Variants in GPHN observed in about 807,000 individuals in gnomAD.
GPHN encodes gephyrin.
A neutral mutation model predicts 95.5 loss-of-function variants in GPHN; 17 were observed. That is an observed-to-expected ratio of 0.18 (90% CI 0.12 to 0.27). GPHN has a LOEUF of 0.27. GPHN is among the 10% of genes least tolerant of loss of function. The probability of loss-of-function intolerance (pLI) is 1.00; values close to 1 mark genes in which losing one functional copy is unlikely to be tolerated. For missense variants in GPHN, 660 were observed against 978.1 expected (o/e 0.67, Z 4.34); for synonymous variants, 320 against 322.5 (o/e 0.99, Z 0.08).
chr14:66,544,966 GAA>G (rs1250162794), intron 1 of GPHN, among the ~76,000 whole-genome samples: 1 of 152,160 alleles, frequency 6.6e-6, no homozygotes, highest in Non-Finnish European at 1.5e-5. Flanking sequence ...AGAACAAAAT[GAA>G]AAGTCTCCTG....
intron 21 of GPHN, 91 bp downstream of exon 21, chr14:67,169,127 T>C (rs755590323): frequency 2.5e-6 from 2 of 816,140 alleles, no homozygotes; most frequent in South Asian, 2.7e-5. Flanking sequence ...ACATCTAGAG[T>C]TTTCTATTAG....
At chr14:66,585,540 C>T (rs2140518650) in intron 1 of GPHN, among the ~76,000 whole-genome samples, 1 of 152,016 alleles carries the variant, frequency 6.6e-6, no homozygotes, top group South Asian at 2.1e-4. Flanking sequence ...CTATAAATTT[C>T]CCTCTACACA....
chr14:66,563,173 CTT>C (rs930663904), intron 1 of GPHN, among the ~76,000 whole-genome samples: 4 of 151,494 alleles, frequency 2.6e-5, no homozygotes, highest in African/African-American at 9.7e-5. Flanking sequence ...CAAATAATAA[CTT>C]TTAATTATTA....
chr14:67,605,733 A>T, the GPHN span, among the ~76,000 whole-genome samples: 1 of 152,062 alleles, frequency 6.6e-6, no homozygotes, highest in Admixed American at 6.5e-5. Flanking sequence ...CCTAGGCTGG[A>T]GTGCAGTGGT....
chr14:67,393,141 C>A, the GPHN span: 2 of 1,599,812 alleles, frequency 1.3e-6, no homozygotes, highest in South Asian at 2.2e-5. Context: ...CCCTGGGGGA[C>A]AGGCTCACCG....
the GPHN span, among the ~76,000 whole-genome samples, chr14:67,526,124 A>G: frequency 1.3e-5 from 2 of 152,238 alleles, no homozygotes; most frequent in African/African-American, 4.8e-5. Flanking sequence ...GGACTAGGAA[A>G]TCCAGAACCT....
intron 4 of GPHN, among the ~76,000 whole-genome samples, chr14:66,839,279 G>A (rs1005684526): frequency 6.6e-6 from 1 of 152,198 alleles, no homozygotes; most frequent in Non-Finnish European, 1.5e-5. Context: ...ATGCTGGAAG[G>A]ACTAATTGAT....
chr14:66,650,401 C>T (rs1030472670), intron 1 of GPHN, among the ~76,000 whole-genome samples: 3 of 152,222 alleles, frequency 2.0e-5, no homozygotes, highest in Non-Finnish European at 4.4e-5. Flanking sequence ...TGGCTAACCA[C>T]ATTGCTAAAG....
chr14:67,674,287 G>A, the GPHN span: 260 of 1,261,106 alleles, frequency 2.1e-4, no homozygotes, highest in Non-Finnish European at 2.6e-4. Context: ...AGGAGACGCG[G>A]GCCCGGGTCT....
intron 8 of GPHN, among the ~76,000 whole-genome samples, chr14:66,936,927 A>T (rs983164708): frequency 6.6e-6 from 1 of 152,260 alleles, no homozygotes; most frequent in African/African-American, 2.4e-5. Flanking sequence ...AAGTTGTAAA[A>T]TCGTGTAAAA....
At chr14:67,323,160 G>C in the GPHN span, among the ~76,000 whole-genome samples, 1 of 151,390 alleles carries the variant, frequency 6.6e-6, no homozygotes, top group African/African-American at 2.4e-5. Context: ...TTACATAAAA[G>C]AGCAAGCTAA....
the GPHN span, among the ~76,000 whole-genome samples, chr14:67,324,280 T>C: frequency 4.6e-5 from 7 of 152,208 alleles, no homozygotes; most frequent in Non-Finnish European, 7.3e-5. Context: ...ATGCTAGATA[T>C]GGTTGAGGTA....
chr14:66,620,130 T>C (rs1369158408), intron 1 of GPHN, among the ~76,000 whole-genome samples: 1 of 152,134 alleles, frequency 6.6e-6, no homozygotes, highest in Non-Finnish European at 1.5e-5. Flanking sequence ...CGGTTGTTGT[T>C]CACACTTACC....
chr14:67,625,453 C>T, the GPHN span, among the ~76,000 whole-genome samples: 23 of 151,606 alleles, frequency 1.5e-4, no homozygotes, highest in Admixed American at 3.9e-4. Context: ...CTGAGGCAGG[C>T]GGATCACCTG....
At chr14:67,415,346 A>C in the GPHN span, among the ~76,000 whole-genome samples, 3 of 152,322 alleles carry the variant, frequency 2.0e-5, no homozygotes, top group East Asian at 5.8e-4. Flanking sequence ...AAATAACTGC[A>C]TAAAATTTCA....
intron 3 of GPHN, among the ~76,000 whole-genome samples, chr14:66,812,356 A>G (rs901477773): frequency 1.3e-5 from 2 of 152,236 alleles, no homozygotes; most frequent in Non-Finnish European, 2.9e-5. Flanking sequence ...GTGTCTATTC[A>G]ACATATCACT....
intron 1 of GPHN, among the ~76,000 whole-genome samples, chr14:66,529,490 C>G (rs2058825774): frequency 6.6e-6 from 1 of 152,086 alleles, no homozygotes; most frequent in South Asian, 2.1e-4. Context: ...CATTATCCGT[C>G]CAGTTTTGTT....
At chr14:67,414,887 G>T in the GPHN span, among the ~76,000 whole-genome samples, 1 of 152,234 alleles carries the variant, frequency 6.6e-6, no homozygotes, top group East Asian at 1.9e-4. Context: ...TCAAAGCCCA[G>T]GGAAATAAAA....
At chr14:66,812,106 A>G (rs1264520230) in intron 3 of GPHN, among the ~76,000 whole-genome samples, 1 of 152,174 alleles carries the variant, frequency 6.6e-6, no homozygotes, top group African/African-American at 2.4e-5. Context: ...GTAAAAAGGG[A>G]AATCCTAGAA....
Sources: allele counts gnomAD v4.1 joint callset (sites outside exome capture counted in the v4.1 genomes callset), GRCh38; gene constraint gnomAD v4.1.1; transcripts MANE v1.5; gene names NCBI Gene and HGNC (gene_info 2026-07-23, HGNC 2026-07-21).